Variants in DNAH10 observed in about 807,000 individuals in gnomAD.
DNAH10 encodes axonemal beta dynein heavy chain 10.
DNAH10 carries 348 observed loss-of-function variants against 506.6 expected under a neutral mutation model. The observed-to-expected ratio is 0.69, with a 90% CI of 0.63 to 0.75. DNAH10 has a LOEUF of 0.75. Among genes scored for constraint, DNAH10 ranks in the 30% least tolerant of loss-of-function variants. DNAH10 has a pLI of 0.00. For missense variants in DNAH10, 5,179 were observed against 5,787.1 expected, an observed-to-expected ratio of 0.89 and a Z score of 3.41; for synonymous variants, 2,059 against 2,198.6, an observed-to-expected ratio of 0.94 and a Z score of 1.78.
intron 12 of DNAH10, among the ~76,000 whole-genome samples, chr12:123,794,528 C>T (rs1485755404): frequency 1.3e-5 from 2 of 152,088 alleles, no homozygotes; most frequent in Non-Finnish European, 2.9e-5. Flanking sequence ...AAGTCAGTAT[C>T]TAGTTGGAGA....
In DNAH10 at chr12:123,804,931, G is replaced by A. The variant is rs1215447514; in HGVS notation, c.2878G>A (p.Val960Ile). The change falls in exon 18 of 79, where the codon GTT becomes ATT. Residue 960 changes from valine (V) to isoleucine (I), a missense_variant. Around this residue, in one of 3 missense-constraint regions of DNAH10, gnomAD observed 4,844 missense variants for 5,430.5 expected, o/e 0.89. Transcript: ENST00000673944. ...TGCCATTGGACCACTGCTGACCAAAGTTGAGGGCCTGGTCGTCCACACCAA... is the reference window on the plus strand; with the variant it reads ...TGCCATTGGACCACTGCTGACCAAAATTGAGGGCCTGGTCGTCCACACCAA... Reference protein sequence around the residue: ...YLAIGPLLTKVEGLVVHTNTG... With the variant: ...YLAIGPLLTKIEGLVVHTNTG... 1.2e-6 allele frequency: 2 copies of A among 1,614,056 alleles called. No homozygotes were observed. The highest frequency in any genetic ancestry group is 1.7e-6 in the Non-Finnish European group (2 of 1,180,052).
chr12:123,866,838 G>A (rs1189682515), intron 41 of DNAH10, among the ~76,000 whole-genome samples: 1 of 152,210 alleles, frequency 6.6e-6, no homozygotes, highest in Non-Finnish European at 1.5e-5. Flanking sequence ...TGTGAAAAGT[G>A]CAGAGATGGA....
intron 21 of DNAH10, chr12:123,814,376 T>C (rs1304758968): frequency 6.5e-6 from 1 of 152,918 alleles, no homozygotes; most frequent in Non-Finnish European, 1.5e-5. Context: ...TATGGAAATT[T>C]TACATACTGT....
intron 30 of DNAH10, among the ~76,000 whole-genome samples, chr12:123,845,113 C>T (rs78897861): frequency 0.013 from 1,985 of 152,224 alleles, 26 homozygotes; most frequent in Middle Eastern, 0.048. Context: ...TGGGCTCCAG[C>T]GCCCCTGGAG....
chr12:123,908,678 G>A lies in DNAH10; in HGVS notation c.9816-583G>A, dbSNP rs115845361. The A allele has an allele frequency of 2.5e-3, 1,015 of 411,578 alleles. 9 individuals are homozygous for A. Among genetic ancestry groups the A allele is most frequent in the African/African-American group, 0.016 (785 of 49,000 alleles). The allele number at this position is 411,578 out of a possible 1,614,324, so 25.5% of individuals were successfully genotyped here. On this transcript the variant is annotated intron_variant, in intron 57 of 78. Coordinates refer to ENST00000673944, the MANE Select transcript of DNAH10 (RefSeq NM_001372106.1). ...CAGTGGACATCTGCGTTCTGGAGGA[G>A]CAGAGTGATGATCTAGTCTTATCAA...
chr12:123,900,758 T>C (rs1953483204), intron 56 of DNAH10, among the ~76,000 whole-genome samples: 1 of 152,192 alleles, frequency 6.6e-6, no homozygotes, highest in South Asian at 2.1e-4. Context: ...TGGGAATCTT[T>C]CCTTCCCTTT....
chr12:123,914,620 C>G, intron 61 of DNAH10, 70 bp downstream of exon 61: 3 of 1,511,492 alleles, frequency 2.0e-6, no homozygotes, highest in Non-Finnish European at 2.7e-6. Context: ...GGGTGTCACC[C>G]TGGGGGGAGG....
intron 24 of DNAH10, 40 bp from the exon 25 acceptor site, chr12:123,826,647 G>T (rs1165366965): frequency 1.1e-5 from 17 of 1,575,438 alleles, no homozygotes; most frequent in Middle Eastern, 2.2e-4. Context: ...CATTTCCAAA[G>T]GGGTCTTTGT....
intron 12 of DNAH10, among the ~76,000 whole-genome samples, chr12:123,794,845 T>TA (rs769453879): frequency 2.4e-3 from 259 of 107,646 alleles, no homozygotes; most frequent in African/African-American, 3.8e-3. Context: ...AAACCCTGTC[T>TA]AAAAAAAAAA....
At chr12:123,900,270 T>G (rs1451614536) in intron 56 of DNAH10, among the ~76,000 whole-genome samples, 1 of 152,210 alleles carries the variant, frequency 6.6e-6, no homozygotes, top group Non-Finnish European at 1.5e-5. Flanking sequence ...TATATATTCC[T>G]GGCCCCCTAG....
intron 35 of DNAH10, among the ~76,000 whole-genome samples, chr12:123,851,540 G>A (rs1398359161): frequency 6.6e-6 from 1 of 152,144 alleles, no homozygotes; most frequent in Non-Finnish European, 1.5e-5. Flanking sequence ...ATAGTAGCAC[G>A]GACTTTCCAG....
chr12:123,930,143 T>C lies in DNAH10; in HGVS notation c.12613-259T>C, dbSNP rs941256752. ...GTTTGTTTGATGTGTTTGGGGGACTTTGCCTGCTGCACAGGAGCTCCCAAC... is the reference window on the plus strand; with the variant it reads ...GTTTGTTTGATGTGTTTGGGGGACTCTGCCTGCTGCACAGGAGCTCCCAAC... On this transcript the variant is annotated intron_variant, in intron 72 of 78. Transcript: ENST00000673944. 1.5e-5 allele frequency: 8 copies of C among 517,922 alleles called. No individual in the cohort carries two copies. The African/African-American group carries it at 1.6e-4, about 10-fold the overall frequency. The allele number at this position is 517,922 out of a possible 1,614,324, so 32.1% of individuals were successfully genotyped here. A position where few individuals can be genotyped will look rare whatever the true frequency, so the allele number is the denominator to read the frequency against.
intron 78 of DNAH10, 70 bp from the exon 79 acceptor site, chr12:123,935,265 A>C: frequency 1.3e-6 from 2 of 1,563,416 alleles, no homozygotes; most frequent in Non-Finnish European, 1.8e-6. Context: ...CAAGACTTAC[A>C]CTGCACCTCT....
At chr12:123,822,822 G>A (rs1959559073) in intron 24 of DNAH10, among the ~76,000 whole-genome samples, 1 of 152,182 alleles carries the variant, frequency 6.6e-6, no homozygotes, top group Non-Finnish European at 1.5e-5. Context: ...AGGCACAGAG[G>A]TTGCATTCCA....
Position 123,913,448 on chromosome 12 carries a change from A to G in DNAH10, c.10352+133A>G, listed in dbSNP as rs1954325414. The G allele has an allele frequency of 1.0e-6, 1 of 964,458 alleles. No individual in the cohort carries two copies. Among genetic ancestry groups the G allele is most frequent in the Admixed American group, 2.9e-5 (1 of 34,634 alleles). The allele number at this position is 964,458 out of a possible 1,614,324, so 59.7% of individuals were successfully genotyped here. ...CCATGTGACCAGGTCTTATGTTCCT[A>G]TTATCATGTTTATGGCAGCTAATGG... On this transcript the variant is annotated intron_variant, in intron 60 of 78. Transcript: ENST00000673944. This position sits in a 1 kb window ranked among gnomAD's most constrained non-coding sequence, Gnocchi z 5.1.
At chr12:123,898,097 T>C in intron 55 of DNAH10, 130 bp downstream of exon 55, 1 of 905,394 alleles carries the variant, frequency 1.1e-6, no homozygotes, top group Non-Finnish European at 1.6e-6. Context: ...ATCTTGGATT[T>C]TGTGTCTTGG....
intron 26 of DNAH10, among the ~76,000 whole-genome samples, chr12:123,831,310 C>T (rs1441423469): frequency 2.6e-5 from 4 of 152,110 alleles, no homozygotes; most frequent in Non-Finnish European, 4.4e-5. Flanking sequence ...GCACATACAC[C>T]CATGCATTTG....
In DNAH10 at chr12:123,881,681, C is replaced by T. The variant is rs529930031; in HGVS notation, c.8691C>T (p.Asp2897=). 2.3e-5 allele frequency: 35 copies of T among 1,547,606 alleles called. No individual in the cohort carries two copies. The highest frequency in any genetic ancestry group is 2.2e-4 in the South Asian group (18 of 83,316). ...SNTKMNLVLF[D]DALEHLTRVH... ...CCAAAATGAACTTGGTTCTCTTCGA[C>T]GATGCTCTGGAGCATTTAACCCGGG... The change falls in exon 51 of 79, where the codon GAC becomes GAT. Residue 2897 remains aspartate (D), a synonymous_variant. Transcript: ENST00000673944.
intron 47 of DNAH10, among the ~76,000 whole-genome samples, chr12:123,877,441 A>G (rs1167170203): frequency 6.6e-6 from 1 of 152,066 alleles, no homozygotes; most frequent in African/African-American, 2.4e-5. Flanking sequence ...CCTCCTGAGT[A>G]GCAGGAATTA....
Sources: gnomAD v4.1 joint callset for allele counts (sites outside exome capture counted in the v4.1 genomes callset) on GRCh38, gnomAD v4.1.1 for gene constraint, gnomAD v4.1.1 regional missense constraint, Gnocchi (gnomAD v3.1) non-coding constraint, MANE v1.5 for transcripts, NCBI Gene and HGNC (gene_info 2026-07-23, HGNC 2026-07-21) for gene names.